The following PIGK variants were observed in gnomAD, a reference collection of about 807,000 sequenced individuals.
The protein encoded by PIGK is GPI-anchor transamidase.
Under a neutral mutation model 50.6 loss-of-function variants are expected in PIGK, and 42 were observed. The observed-to-expected ratio is 0.83, with a 90% confidence interval of 0.65 to 1.07. The LOEUF is 1.07. Ranked by LOEUF, PIGK falls within the 50% of genes least tolerant of loss-of-function variation. The probability of loss-of-function intolerance (pLI) is 0.00; values close to 1 mark genes in which losing one functional copy is unlikely to be tolerated. For synonymous variants in PIGK, 151 were observed against 156.0 expected (o/e 0.97, Z 0.24); for missense variants, 448 against 488.7 (o/e 0.92, Z 0.78).
chr1:77,122,341 C>T lies in PIGK; in HGVS notation c.1005G>A (p.Met335Ile). ...IMESSYKEDQMDEKLMEPLKY... is the reference protein window; with the variant it reads ...IMESSYKEDQIDEKLMEPLKY... Reference sequence around the variant, plus strand: ...TCAGAGGTTCCATTAGTTTCTCATCCATCTGGTCTTCCTTATAGCTGGAAA... The same window carrying T: ...TCAGAGGTTCCATTAGTTTCTCATCTATCTGGTCTTCCTTATAGCTGGAAA... The change falls in exon 10 of 11, where the codon ATG (methionine) becomes ATA (isoleucine). Residue 335 changes from methionine to isoleucine, a missense_variant. Coordinates refer to ENST00000370812, the MANE Select transcript of PIGK (RefSeq NM_005482.3). 9 of 1,599,904 alleles carry T rather than the reference C, an allele frequency of 5.6e-6. No homozygotes were observed. The highest frequency in any genetic ancestry group is 7.7e-6 in the Non-Finnish European group (9 of 1,167,792).
chr1:77,117,828 G>A (rs74092418), intron 10 of PIGK, among the ~76,000 whole-genome samples: 2,147 of 152,142 alleles, frequency 0.014, 55 homozygotes, highest in African/African-American at 0.049. Context: ...GGAGGGTAAA[G>A]CATAAAAATA....
At position 77,197,019 on chromosome 1, in the gene PIGK, A is replaced by T. The variant is rs72992574; in HGVS notation, c.239+9621T>A. On this transcript the variant is annotated intron_variant, in intron 3 of 10. Coordinates refer to ENST00000370812, the MANE Select transcript of PIGK (RefSeq NM_005482.3). ...ATGCCTTTTTATGATCTTTCTAATGATATTTAACACTCTCACAGTAATAAT... is the reference window on the plus strand; with the variant it reads ...ATGCCTTTTTATGATCTTTCTAATGTTATTTAACACTCTCACAGTAATAAT... 4.1e-3 allele frequency among the ~76,000 whole-genome samples: 617 copies of T among 152,204 alleles called. 6 individuals carry two copies. Among genetic ancestry groups the T allele is most frequent in the African/African-American group, 0.014 (589 of 41,532 alleles).
chr1:77,131,837 A>G (rs964894671), intron 9 of PIGK, among the ~76,000 whole-genome samples: 2 of 151,874 alleles, frequency 1.3e-5, no homozygotes. Flanking sequence ...AGTGAGGCTG[A>G]CTCTCTATTT....
chr1:77,099,139 C>T (rs904587489), intron 10 of PIGK, among the ~76,000 whole-genome samples: 26 of 152,142 alleles, frequency 1.7e-4, no homozygotes, highest in Middle Eastern at 3.4e-3. Context: ...AAACATTGTA[C>T]ATCCACATAT....
chr1:77,206,909 G>A (rs1422949935), intron 2 of PIGK, among the ~76,000 whole-genome samples, 178 bp from the exon 3 acceptor site: 1 of 152,170 alleles, frequency 6.6e-6, no homozygotes, highest in African/African-American at 2.4e-5. Context: ...GCTCATGCCT[G>A]TAATACCAAC....
At chr1:77,213,197 T>C (rs1447107486) in intron 1 of PIGK, among the ~76,000 whole-genome samples, 1 of 152,194 alleles carries the variant, frequency 6.6e-6, no homozygotes. Flanking sequence ...AGTGCTGGGA[T>C]TACAGGCAAA....
At chr1:77,166,329 T>A (rs1655232121) in intron 5 of PIGK, among the ~76,000 whole-genome samples, 1 of 152,114 alleles carries the variant, frequency 6.6e-6, no homozygotes. Flanking sequence ...CAGTTGGTAA[T>A]CTTCATGTAC....
intron 9 of PIGK, among the ~76,000 whole-genome samples, chr1:77,149,206 A>C (rs895554517): frequency 6.6e-6 from 1 of 152,210 alleles, no homozygotes; most frequent in East Asian, 1.9e-4. Flanking sequence ...TAACTAGAAA[A>C]CAAATAACAA....
chr1:77,161,552 C>T (rs761188969), intron 7 of PIGK, 42 bp downstream of exon 7: 7 of 1,005,612 alleles, frequency 7.0e-6, no homozygotes, highest in Non-Finnish European at 6.4e-6. Flanking sequence ...AATAGCTGCA[C>T]ATTCCAAAGA....
At chr1:77,110,419 C>T (rs1234442014) in intron 10 of PIGK, among the ~76,000 whole-genome samples, 2 of 151,760 alleles carry the variant, frequency 1.3e-5, no homozygotes, top group African/African-American at 4.8e-5. Context: ...GAGATATAGA[C>T]CAATGGAACA....
intron 9 of PIGK, among the ~76,000 whole-genome samples, chr1:77,142,480 A>T (rs556873673): frequency 2.8e-4 from 43 of 152,200 alleles, no homozygotes; most frequent in Non-Finnish European, 5.0e-4. Flanking sequence ...AGTCTTAGAG[A>T]GATTAAATAA....
chr1:77,192,187 C>T (rs766486826), intron 3 of PIGK, among the ~76,000 whole-genome samples: 2 of 151,876 alleles, frequency 1.3e-5, no homozygotes, highest in Non-Finnish European at 2.9e-5. Context: ...CAACACTAGT[C>T]GTGAAGAGTA....
chr1:77,108,849 A>C (rs1653764229), intron 10 of PIGK, among the ~76,000 whole-genome samples: 1 of 152,064 alleles, frequency 6.6e-6, no homozygotes. Context: ...TTTGATCTTC[A>C]ATCACTGATA....
rs536080719 is a variant in PIGK, at chr1:77,167,071, G to A, written c.376-241C>T. On this transcript the variant is annotated intron_variant, in intron 4 of 10. Transcript: ENST00000370812. ...AAACTAACAAAGAAGGCAGGCCATG[G>A]TGGCTCATGCCTATCAACTCAGCAC... is the stretch of plus-strand genomic sequence containing the variant. Among the ~76,000 whole-genome samples, 70 of 152,294 alleles carry A rather than the reference G, an allele frequency of 4.6e-4. 1 individual carries two copies. In the South Asian group the frequency reaches 0.014, roughly 31 times the overall value.
chr1:77,191,602 G>A (rs1414143536), intron 3 of PIGK, among the ~76,000 whole-genome samples: 6 of 152,136 alleles, frequency 3.9e-5, no homozygotes, highest in Non-Finnish European at 8.8e-5. Context: ...AGCGTCAAAT[G>A]GCAAGAAAAT....
At chr1:77,146,117 T>C (rs1654761785) in intron 9 of PIGK, among the ~76,000 whole-genome samples, 1 of 152,130 alleles carries the variant, frequency 6.6e-6, no homozygotes, top group African/African-American at 2.4e-5. Context: ...CAAATGTTAC[T>C]GGAATATTTG....
At chr1:77,171,118 T>C (rs1655349106) in intron 3 of PIGK, among the ~76,000 whole-genome samples, 1 of 152,128 alleles carries the variant, frequency 6.6e-6, no homozygotes, top group Non-Finnish European at 1.5e-5. Flanking sequence ...CAAGACTGAA[T>C]TGACCTCCAA....
At chr1:77,111,498 A>G (rs1021404703) in intron 10 of PIGK, among the ~76,000 whole-genome samples, 14 of 152,000 alleles carry the variant, frequency 9.2e-5, no homozygotes, top group Non-Finnish European at 1.8e-4. Context: ...TCAGCAAACT[A>G]TCGCAAGGAC....
At chr1:77,129,016 C>T in intron 9 of PIGK, 1 of 725,932 alleles carries the variant, frequency 1.4e-6, no homozygotes, top group Admixed American at 1.9e-5. Flanking sequence ...AGCAGAGCTG[C>T]ATATTTACAA....
Sources: gnomAD v4.1 joint callset for allele counts (sites outside exome capture counted in the v4.1 genomes callset) on GRCh38, gnomAD v4.1.1 for gene constraint, MANE v1.5 for transcripts, NCBI Gene and HGNC (gene_info 2026-07-23, HGNC 2026-07-21) for gene names.